The following LRRC66 variants were observed in gnomAD, a reference collection of about 807,000 sequenced individuals.
LRRC66 encodes the protein leucine rich repeat containing 66.
Under a neutral mutation model 24.6 loss-of-function variants are expected in LRRC66, and 29 were observed. That is an observed-to-expected ratio of 1.18 (90% CI 0.88 to 1.61). The LOEUF is 1.61. Ranked by LOEUF, LRRC66 falls within the 40% of genes most tolerant of loss-of-function variation. LRRC66 has a pLI of 0.00. For missense variants in LRRC66, 1,124 were observed against 1,058.0 expected, an observed-to-expected ratio of 1.06 and a Z score of -0.87; for synonymous variants, 411 against 397.6, an observed-to-expected ratio of 1.03 and a Z score of -0.40.
rs192307210 is a variant in LRRC66, at chr4:52,009,388, T to C, written c.497-5996A>G. 3.3e-5 allele frequency among the ~76,000 whole-genome samples: 5 copies of C among 151,972 alleles called. No homozygotes were observed. In the East Asian group the frequency reaches 7.7e-4, roughly 23 times the overall value. On this transcript the variant is annotated intron_variant, in intron 2 of 4. Coordinates refer to ENST00000682860, the MANE Select transcript of LRRC66 (RefSeq NM_001024611.3). ...TAAGTAAGCAGAAGAAAGGAAATCA[T>C]AAAGATCAGAGAAGAAATAAAGTAG...
rs58322494 is a variant in LRRC66 at position 52,017,202 on chromosome 4, G to C, written c.412C>G (p.Arg138Gly). The C allele has an allele frequency of 2.5e-6, 4 of 1,613,990 alleles. No homozygotes were observed. In the African/African-American group the frequency reaches 4.0e-5, roughly 16 times the overall value. Residue 138 changes from arginine to glycine, a missense_variant, in exon 2 of 5, where the codon CGC becomes GGC. By Grantham distance (125) the Arg-to-Gly change is moderately radical. Coordinates refer to ENST00000682860, the MANE Select transcript of LRRC66 (RefSeq NM_001024611.3). ...LLSPKSSWVK[R>G]HRSSFRNRFP... ...CTGTTTCTGAAGCTGCTTCTGTGGCGTTTCACCCATGAGGACTTAGGACTG... is the reference window on the plus strand; with the variant it reads ...CTGTTTCTGAAGCTGCTTCTGTGGCCTTTCACCCATGAGGACTTAGGACTG...
Position 51,996,045 on chromosome 4 carries a change from C to A in LRRC66, c.977G>T (p.Gly326Val), listed in dbSNP as rs371358825. 56 of 1,613,920 alleles carry A rather than the reference C, an allele frequency of 3.5e-5. No individual in the cohort carries two copies. The highest frequency in any genetic ancestry group is 4.3e-5 in the Non-Finnish European group (51 of 1,180,030). ...LIRSKAERPQ[G>V]GRHTGISTLG... ...AGTAGAAATGCCCGTGTGCCTTCCT[C>A]CCTGGGGCCTCTCTGCTTTGCTCCT... The change falls in exon 5 of 5, where the codon GGA becomes GTA. Residue 326 changes from glycine (G) to valine (V), a missense_variant. Physicochemically the swap from Gly to Val is moderately radical, Grantham distance 109. Coordinates refer to ENST00000682860, the MANE Select transcript of LRRC66 (RefSeq NM_001024611.3).
chr4:52,018,969 C>T (rs748048673), intron 1 of LRRC66, among the ~76,000 whole-genome samples: 1 of 152,174 alleles, frequency 6.6e-6, no homozygotes, highest in Non-Finnish European at 1.5e-5. Context: ...CTCCGCCTCC[C>T]GGGTTCAAGC....
chr4:52,009,753 T>C (rs2110200452), intron 2 of LRRC66, among the ~76,000 whole-genome samples: 1 of 152,140 alleles, frequency 6.6e-6, no homozygotes. Flanking sequence ...GGGAATTCTA[T>C]GAAACATTTA....
At chr4:52,010,292 C>T (rs1736670859) in intron 2 of LRRC66, among the ~76,000 whole-genome samples, 1 of 152,126 alleles carries the variant, frequency 6.6e-6, no homozygotes, top group Non-Finnish European at 1.5e-5. Flanking sequence ...CCCCACAGTT[C>T]ACAAAATTTT....
rs575284135 is a variant in LRRC66 at position 51,995,199 on chromosome 4, C to T, written c.1823G>A (p.Gly608Asp). 3.1e-6 allele frequency: 5 copies of T among 1,614,178 alleles called. No individual in the cohort carries two copies. Among genetic ancestry groups the T allele is most frequent in the East Asian group, 2.2e-5 (1 of 44,872 alleles). ...QRTGDSKERG[G>D]TEQSLWDSQM... ...CGAGTCCCAAAGTGACTGTTCAGTG[C>T]CCCCTCTTTCCTTACTATCTCCAGT... The change falls in exon 5 of 5, where the codon GGC becomes GAC. Residue 608 changes from glycine (G) to aspartate (D), a missense_variant. Transcript: ENST00000682860.
rs559808541 is a variant in LRRC66 at position 52,019,911 on chromosome 4, G to C, written c.-6+393C>G. 7.9e-5 allele frequency among the ~76,000 whole-genome samples: 12 copies of C among 152,218 alleles called. No homozygotes were observed. The South Asian group carries it at 2.3e-3, about 29-fold the overall frequency. ...GTTAGGTTTGAGTTCAAAACAGCTAGACAAGGAATCTTATATCTTAAAGTG... is the reference window on the plus strand; with the variant it reads ...GTTAGGTTTGAGTTCAAAACAGCTACACAAGGAATCTTATATCTTAAAGTG... On this transcript the variant is annotated intron_variant, in intron 1 of 4. Coordinates refer to ENST00000682860, the MANE Select transcript of LRRC66 (RefSeq NM_001024611.3).
chr4:52,013,271 G>GT (rs1164935265), intron 2 of LRRC66, among the ~76,000 whole-genome samples: 1 of 152,048 alleles, frequency 6.6e-6, no homozygotes, highest in Admixed American at 6.5e-5. Context: ...AATACACTGT[G>GT]TATTTTTTTT....
chr4:51,999,666 A>C (rs1188141425), intron 3 of LRRC66, among the ~76,000 whole-genome samples: 4 of 152,168 alleles, frequency 2.6e-5, no homozygotes, highest in Non-Finnish European at 4.4e-5. Context: ...ATTACAAATC[A>C]TGGAACCAGA....
rs376938333 is a variant in LRRC66, at chr4:51,997,917, A to G, written c.687T>C (p.Asn229=). 6.2e-7 allele frequency: 1 copy of G among 1,613,960 alleles called. No individual in the cohort carries two copies. The highest frequency in any genetic ancestry group is 1.3e-5 in the African/African-American group (1 of 74,936). Reference sequence around the variant, plus strand: ...TCATTGGTAGGATGGTAATCAGAGCATTGTTGCTAAGGTCTATGACCTGTT... The same window carrying G: ...TCATTGGTAGGATGGTAATCAGAGCGTTGTTGCTAAGGTCTATGACCTGTT... ...KKLQVIDLSN[N]ALITILPMMI... is the part of the protein sequence containing the mutation. The change falls in exon 4 of 5, where the codon AAT becomes AAC. Residue 229 remains asparagine, a synonymous_variant. Transcript: ENST00000682860.
Position 51,994,273 on chromosome 4 carries a change from A to C in LRRC66, c.*106T>G. The C allele has an allele frequency of 9.2e-7, 1 of 1,092,664 alleles. No homozygotes were observed. Among genetic ancestry groups the C allele is most frequent in the South Asian group, 1.7e-5 (1 of 59,402 alleles). The allele number at this position is 1,092,664 out of a possible 1,614,324, so 67.7% of individuals were successfully genotyped here. A position where few individuals can be genotyped will look rare whatever the true frequency, so the allele number is the denominator to read the frequency against. On this transcript the variant is annotated 3_prime_UTR_variant, in exon 5 of 5. Transcript: ENST00000682860. ...ATCAGTGTCCACTTGGTTGGAATTC[A>C]TGTTGTCTCCTTCAGGATCTTGTTG...
intron 2 of LRRC66, among the ~76,000 whole-genome samples, chr4:52,010,854 C>T (rs1349006207): frequency 1.3e-5 from 2 of 152,104 alleles, no homozygotes. Context: ...AATTGTAATT[C>T]TGTTTTTAGT....
chr4:51,995,364 A>G lies in LRRC66; in HGVS notation c.1658T>C (p.Val553Ala), dbSNP rs1560555711. 6.2e-7 allele frequency: 1 copy of G among 1,614,180 alleles called. No individual in the cohort carries two copies. Among genetic ancestry groups the G allele is most frequent in the Non-Finnish European group, 8.5e-7 (1 of 1,180,036 alleles). ...CGTGCCAGCTACAGAAGAGACGCCC[A>G]CTGAATGTGCACTGAGAGGCTCTTC... ...AQEEPLSAHS[V>A]GVSSVAGTSH... The change falls in exon 5 of 5, where the codon GTG becomes GCG. Residue 553 changes from valine (V) to alanine (A), a missense_variant. Transcript: ENST00000682860.
chr4:52,004,763 T>C (rs1736535790), intron 2 of LRRC66, among the ~76,000 whole-genome samples: 1 of 152,232 alleles, frequency 6.6e-6, no homozygotes, highest in African/African-American at 2.4e-5. Context: ...TTAATTGAAA[T>C]GGCTGCACCA....
In LRRC66 at chr4:51,994,938, G is replaced by A. The variant is rs752167022; in HGVS notation, c.2084C>T (p.Thr695Ile). 4 of 1,614,198 alleles carry A rather than the reference G, an allele frequency of 2.5e-6. No homozygotes were observed. In the South Asian group the frequency reaches 4.4e-5, roughly 18 times the overall value. ...EPVQKSTPSD[T>I]CCELESDCDS... ...ACAGTCACTCTCCAACTCACAGCAA[G>A]TGTCAGAAGGAGTGGATTTCTGCAC... Residue 695 changes from threonine (T) to isoleucine (I), a missense_variant, in exon 5 of 5, where the codon ACT (threonine) becomes ATT (isoleucine). Physicochemically the swap from Thr to Ile is moderately conservative, Grantham distance 89. Coordinates refer to ENST00000682860, the MANE Select transcript of LRRC66 (RefSeq NM_001024611.3).
Position 51,994,080 on chromosome 4 carries a change from G to T in LRRC66, c.*299C>A, listed in dbSNP as rs1326725076. ...TCTCAGTGAACTGGTTTTGTTTGGAGCTCTTGTAATAATGGTGCATGGTTC... is the reference window on the plus strand; with the variant it reads ...TCTCAGTGAACTGGTTTTGTTTGGATCTCTTGTAATAATGGTGCATGGTTC... On this transcript the variant is annotated 3_prime_UTR_variant, in exon 5 of 5. Transcript: ENST00000682860. The T allele has an allele frequency of 1.1e-5, 3 of 278,186 alleles. No homozygotes were observed. Among genetic ancestry groups the T allele is most frequent in the Non-Finnish European group, 2.0e-5 (3 of 149,170 alleles). The allele number at this position is 278,186 out of a possible 1,614,324, so 17.2% of individuals were successfully genotyped here.
intron 2 of LRRC66, 66 bp from the exon 3 acceptor site, chr4:52,003,458 G>A: frequency 7.1e-7 from 1 of 1,415,804 alleles, no homozygotes. Flanking sequence ...TGTTTGTAAT[G>A]GTGAAAAATT....
intron 2 of LRRC66, among the ~76,000 whole-genome samples, chr4:52,011,404 C>G (rs1014552381): frequency 2.0e-5 from 3 of 152,038 alleles, no homozygotes; most frequent in Non-Finnish European, 4.4e-5. Flanking sequence ...CAGTGTGGTT[C>G]AGAGAGTCAG....
intron 2 of LRRC66, among the ~76,000 whole-genome samples, chr4:52,007,749 C>CA (rs1471369574): frequency 6.6e-6 from 1 of 152,146 alleles, no homozygotes; most frequent in African/African-American, 2.4e-5. Context: ...AAAGGAATGG[C>CA]AGCAGAGGTG....
Sources: allele counts gnomAD v4.1 joint callset (sites outside exome capture counted in the v4.1 genomes callset), GRCh38; gene constraint gnomAD v4.1.1; transcripts MANE v1.5; gene names NCBI Gene and HGNC (gene_info 2026-07-23, HGNC 2026-07-21).